The following SPOCK3 variants were observed in gnomAD, a reference collection of about 807,000 sequenced individuals.
SPOCK3 encodes testican-3.
SPOCK3 carries 30 observed loss-of-function variants against 56.6 expected under a neutral mutation model. The observed-to-expected ratio is 0.53, with a 90% CI of 0.40 to 0.72. The LOEUF is 0.72. SPOCK3 is among the 30% of genes least tolerant of loss of function. The pLI is 0.00. For synonymous variants in SPOCK3, 196 were observed against 183.3 expected (o/e 1.07, Z -0.56); for missense variants, 527 against 530.0 (o/e 0.99, Z 0.06).
chr4:167,045,311 T>C (rs1479271375), intron 3 of SPOCK3, among the ~76,000 whole-genome samples: 1 of 152,124 alleles, frequency 6.6e-6, no homozygotes, highest in Non-Finnish European at 1.5e-5. Flanking sequence ...CTTTTAAGCA[T>C]ATAGTTGGTT....
intron 6 of SPOCK3, among the ~76,000 whole-genome samples, chr4:166,832,403 A>G (rs894932833): frequency 6.6e-6 from 1 of 151,976 alleles, no homozygotes; most frequent in Non-Finnish European, 1.5e-5. Flanking sequence ...AAAAAATCAA[A>G]AAAAAAACAA....
At chr4:166,888,088 C>A (rs913583255) in intron 6 of SPOCK3, among the ~76,000 whole-genome samples, 1 of 151,624 alleles carries the variant, frequency 6.6e-6, no homozygotes. Context: ...GAGTTAATAC[C>A]AATATAAGTG....
chr4:166,982,571 A>C (rs933052447), intron 4 of SPOCK3, among the ~76,000 whole-genome samples: 2 of 152,154 alleles, frequency 1.3e-5, no homozygotes, highest in Non-Finnish European at 2.9e-5. Context: ...TAAATCAAAT[A>C]AATAAAAAAT....
intron 8 of SPOCK3, among the ~76,000 whole-genome samples, chr4:166,751,395 G>C (rs528486747): frequency 6.6e-6 from 1 of 151,996 alleles, no homozygotes; most frequent in Admixed American, 6.6e-5. Context: ...GATGTTATTC[G>C]TACTGAATAA....
chr4:166,966,368 A>T (rs149315003), intron 4 of SPOCK3, among the ~76,000 whole-genome samples: 149 of 152,252 alleles, frequency 9.8e-4, no homozygotes, highest in African/African-American at 3.2e-3. Context: ...ATTTCATATA[A>T]CATTGTTATT....
intron 8 of SPOCK3, among the ~76,000 whole-genome samples, chr4:166,746,238 T>G (rs574984438): frequency 6.4e-4 from 97 of 152,268 alleles, no homozygotes; most frequent in South Asian, 2.9e-3. Context: ...TAGTTGGAAG[T>G]AAAGCACTCC....
At chr4:167,216,278 A>C (rs1735348678) in intron 2 of SPOCK3, among the ~76,000 whole-genome samples, 1 of 152,156 alleles carries the variant, frequency 6.6e-6, no homozygotes, top group Admixed American at 6.6e-5. Context: ...TTTGGAAGGC[A>C]ACTTACAGTT....
chr4:167,217,662 C>T (rs927622390), intron 2 of SPOCK3, among the ~76,000 whole-genome samples: 8 of 151,900 alleles, frequency 5.3e-5, no homozygotes, highest in Admixed American at 2.6e-4. Context: ...GTATAACATA[C>T]AAAATTCTAT....
intron 4 of SPOCK3, among the ~76,000 whole-genome samples, chr4:166,916,186 T>C (rs1269277428): frequency 6.6e-6 from 1 of 151,956 alleles, no homozygotes; most frequent in Non-Finnish European, 1.5e-5. Flanking sequence ...CTTTTTTTTT[T>C]CCTCAGAATC....
intron 2 of SPOCK3, among the ~76,000 whole-genome samples, chr4:167,121,544 A>C (rs1275077317): frequency 6.6e-6 from 1 of 152,154 alleles, no homozygotes; most frequent in African/African-American, 2.4e-5. Flanking sequence ...GATAGGAAGC[A>C]ATAGGAAGAG....
At chr4:166,738,259 C>T (rs1734425648) in intron 9 of SPOCK3, among the ~76,000 whole-genome samples, 1 of 151,666 alleles carries the variant, frequency 6.6e-6, no homozygotes, top group Non-Finnish European at 1.5e-5. Flanking sequence ...TGTGTGTTGA[C>T]TGTCCTTGCA....
At chr4:167,085,615 CAT>C (rs1758123615) in intron 2 of SPOCK3, among the ~76,000 whole-genome samples, 1 of 152,072 alleles carries the variant, frequency 6.6e-6, no homozygotes, top group South Asian at 2.1e-4. Flanking sequence ...GAAGATGTGT[CAT>C]AGCCAAAAGA....
chr4:166,989,972 G>T (rs1212510472), intron 4 of SPOCK3, among the ~76,000 whole-genome samples: 1 of 152,134 alleles, frequency 6.6e-6, no homozygotes, highest in Admixed American at 6.6e-5. Flanking sequence ...AAAGGGAAGG[G>T]GGAAGCAGTC....
At chr4:166,747,093 C>T (rs1185623743) in intron 8 of SPOCK3, among the ~76,000 whole-genome samples, 3 of 151,902 alleles carry the variant, frequency 2.0e-5, no homozygotes, top group African/African-American at 7.3e-5. Context: ...GAAACTATTC[C>T]AATCAATAGA....
At chr4:166,946,026 G>C (rs368453190) in intron 4 of SPOCK3, among the ~76,000 whole-genome samples, 1 of 67,168 alleles carries the variant, frequency 1.5e-5, no homozygotes, top group Non-Finnish European at 3.1e-5. Context: ...AAAACTTCTT[G>C]CATTTTGTAA....
intron 2 of SPOCK3, among the ~76,000 whole-genome samples, chr4:167,157,510 T>C (rs1211225690): frequency 6.6e-6 from 1 of 151,320 alleles, no homozygotes; most frequent in Non-Finnish European, 1.5e-5. Context: ...GAGGTGGGGG[T>C]AGTTGGGGTG....
At chr4:167,106,484 G>A (rs938121971) in intron 2 of SPOCK3, among the ~76,000 whole-genome samples, 1 of 151,562 alleles carries the variant, frequency 6.6e-6, no homozygotes, top group Non-Finnish European at 1.5e-5. Flanking sequence ...ATATAGCAAA[G>A]GCAGTACTAA....
chr4:166,737,751 G>A, intron 9 of SPOCK3, 147 bp from the exon 10 acceptor site: 2 of 832,866 alleles, frequency 2.4e-6, no homozygotes, highest in Non-Finnish European at 3.5e-6. Context: ...AGATACCAGT[G>A]ATGCCTTAGA....
chr4:167,203,712 G>C (rs1419319971), intron 2 of SPOCK3, among the ~76,000 whole-genome samples: 2 of 151,938 alleles, frequency 1.3e-5, no homozygotes, highest in African/African-American at 4.8e-5. Flanking sequence ...CTGAAGATGT[G>C]GAGTAAAAAT....
Sources: gnomAD v4.1 joint callset for allele counts (sites outside exome capture counted in the v4.1 genomes callset) on GRCh38, gnomAD v4.1.1 for gene constraint, MANE v1.5 for transcripts, NCBI Gene and HGNC (gene_info 2026-07-23, HGNC 2026-07-21) for gene names.